KLRG1: variants seen among roughly 807,000 people sequenced by gnomAD.
KLRG1 encodes killer cell lectin-like receptor subfamily G member 1.
KLRG1 carries 16 observed loss-of-function variants against 21.8 expected under a neutral mutation model. That is an observed-to-expected ratio of 0.73 (90% CI 0.50 to 1.11). The LOEUF (loss-of-function observed/expected upper bound fraction) is 1.11. Ranked by LOEUF, KLRG1 falls within the 50% of genes most tolerant of loss-of-function variation. The pLI, the probability that KLRG1 is intolerant of heterozygous loss-of-function variation, is 0.00. For synonymous variants in KLRG1, 69 were observed against 75.9 expected, an observed-to-expected ratio of 0.91 and a Z score of 0.47; for missense variants, 173 against 218.3, an observed-to-expected ratio of 0.79 and a Z score of 1.31.
the KLRG1 span, among the ~76,000 whole-genome samples, chr12:9,189,530 A>G: frequency 6.6e-6 from 1 of 152,250 alleles, no homozygotes; most frequent in Non-Finnish European, 1.5e-5. Context: ...ACCAAAAAGT[A>G]TACAAACTCT....
At chr12:8,976,914 T>G (rs1157512195) in intron 1 of KLRG1, among the ~76,000 whole-genome samples, 1 of 151,894 alleles carries the variant, frequency 6.6e-6, no homozygotes, top group East Asian at 1.9e-4. Context: ...GCCTGGCTAA[T>G]TTTTTGTATT....
intron 1 of KLRG1, among the ~76,000 whole-genome samples, chr12:8,991,513 T>G (rs1402029317): frequency 6.6e-6 from 1 of 152,218 alleles, no homozygotes; most frequent in Non-Finnish European, 1.5e-5. Context: ...TTTCCTATTT[T>G]GTCTCCAGTG....
At chr12:9,057,901 G>A in the KLRG1 span, 1 of 152,160 alleles carries the variant, frequency 6.6e-6, no homozygotes. Context: ...GGATTTTAGA[G>A]TAGGAACCTC....
chr12:9,063,316 C>T, the KLRG1 span, among the ~76,000 whole-genome samples: 1 of 152,146 alleles, frequency 6.6e-6, no homozygotes, highest in Non-Finnish European at 1.5e-5. Context: ...CAAATGGATG[C>T]TTATGACCAA....
chr12:9,153,227 T>C, the KLRG1 span: 1 of 1,614,176 alleles, frequency 6.2e-7, no homozygotes, highest in South Asian at 1.1e-5. Flanking sequence ...TGTTGTCTAC[T>C]TGGAAATTTG....
chr12:9,125,495 A>T, the KLRG1 span, among the ~76,000 whole-genome samples: 40 of 152,224 alleles, frequency 2.6e-4, no homozygotes, highest in Non-Finnish European at 1.2e-4. Context: ...CATTAAATAT[A>T]TTTAAATTCA....
the KLRG1 span, chr12:9,095,054 T>C: frequency 6.3e-7 from 1 of 1,594,354 alleles, no homozygotes; most frequent in Non-Finnish European, 8.6e-7. Flanking sequence ...TTACGAATCT[T>C]TGAGTTGGTG....
rs1469249675 is a variant in KLRG1, at chr12:8,966,376, GA to G, written c.-156+16143del. The stretch of plus-strand genomic sequence containing the variant: ...ACTAAAGAGCTTCTGCACAGCAAAA[GA>G]AACTATCATCAGAGTGAACAGGCAA... On this transcript the variant is annotated intron_variant, in intron 1 of 4. Coordinates refer to the KLRG1 transcript ENST00000539240. Among the ~76,000 whole-genome samples the G allele has an allele frequency of 2.0e-5, 3 of 151,964 alleles. No individual in the cohort carries two copies. The East Asian group carries it at 5.8e-4, about 29-fold the overall frequency.
chr12:8,961,351 A>G (rs1436072655), intron 1 of KLRG1, among the ~76,000 whole-genome samples: 1 of 152,232 alleles, frequency 6.6e-6, no homozygotes, highest in Non-Finnish European at 1.5e-5. Context: ...ACAGGCCTCA[A>G]AAGGATCAAA....
At chr12:9,051,887 C>T in the KLRG1 span, among the ~76,000 whole-genome samples, 1 of 152,188 alleles carries the variant, frequency 6.6e-6, no homozygotes, top group Non-Finnish European at 1.5e-5. Flanking sequence ...TGCAATTAGA[C>T]AAAAATATCA....
At chr12:9,211,353 A>C in the KLRG1 span, among the ~76,000 whole-genome samples, 1 of 151,820 alleles carries the variant, frequency 6.6e-6, no homozygotes, top group Non-Finnish European at 1.5e-5. Flanking sequence ...TCAAGTTACT[A>C]ATTCTTTCTT....
At chr12:9,111,999 G>T in the KLRG1 span, 1 of 795,532 alleles carries the variant, frequency 1.3e-6, no homozygotes, top group Non-Finnish European at 2.3e-6. Flanking sequence ...TTCTTTACCT[G>T]GAATGATGTT....
chr12:9,041,248 T>TCACTCGAAC, the KLRG1 span, among the ~76,000 whole-genome samples: 6 of 152,158 alleles, frequency 3.9e-5, no homozygotes, highest in Non-Finnish European at 5.9e-5. Flanking sequence ...GGCAGGAGAA[T>TCACTCGAAC]CACTCGAACC....
At chr12:8,999,440 C>G in intron 3 of KLRG1, among the ~76,000 whole-genome samples, 1 of 152,222 alleles carries the variant, frequency 6.6e-6, no homozygotes. Context: ...TTGCAACAAC[C>G]TCTCATTCAA....
the KLRG1 span, among the ~76,000 whole-genome samples, chr12:9,118,684 TTACTC>T: frequency 2.6e-5 from 4 of 152,224 alleles, no homozygotes; most frequent in East Asian, 5.8e-4. Flanking sequence ...TCTGTATCCT[TTACTC>T]TAAGTGTCCT....
At chr12:9,150,969 C>A in the KLRG1 span, among the ~76,000 whole-genome samples, 1 of 152,164 alleles carries the variant, frequency 6.6e-6, no homozygotes, top group African/African-American at 2.4e-5. Flanking sequence ...CAACCCTATT[C>A]TTTTGTAGTC....
chr12:9,075,789 T>C, the KLRG1 span, among the ~76,000 whole-genome samples: 1 of 152,232 alleles, frequency 6.6e-6, no homozygotes, highest in Non-Finnish European at 1.5e-5. Context: ...TTCAGGATAA[T>C]GATTGCCTCT....
chr12:9,144,433 G>A, the KLRG1 span, among the ~76,000 whole-genome samples: 2 of 151,854 alleles, frequency 1.3e-5, no homozygotes, highest in Non-Finnish European at 1.5e-5. Context: ...TCAGGATCCA[G>A]TGGGATGAGC....
the KLRG1 span, among the ~76,000 whole-genome samples, chr12:9,137,945 A>G: frequency 6.6e-5 from 10 of 152,228 alleles, no homozygotes; most frequent in Non-Finnish European, 1.2e-4. Context: ...TTTAATACAT[A>G]ATATAATGGC....
Sources: allele counts gnomAD v4.1 joint callset (sites outside exome capture counted in the v4.1 genomes callset), GRCh38; gene constraint gnomAD v4.1.1; transcripts MANE v1.5; gene names NCBI Gene and HGNC (gene_info 2026-07-23, HGNC 2026-07-21).